Variants in ACYP2 observed in about 807,000 individuals in gnomAD.
ACYP2 encodes acylphosphatase 2, also known as acylphosphatase-2.
A neutral mutation model predicts 11.2 loss-of-function variants in ACYP2; 12 were observed. The observed-to-expected ratio is 1.08, with a 90% CI of 0.69 to 1.74. The LOEUF is 1.74. ACYP2 is among the 40% of genes most tolerant of loss of function. The pLI is 0.00. For synonymous variants in ACYP2, 43 were observed against 32.2 expected (o/e 1.33, Z -1.13); for missense variants, 134 against 101.9 (o/e 1.31, Z -1.35).
At chr2:54,119,051 CTTTTTTTTTTTTTTTT>C (rs10542497) in intron 4 of ACYP2, among the ~76,000 whole-genome samples, 12 of 43,772 alleles carry the variant, frequency 2.7e-4, no homozygotes, top group South Asian at 1.2e-3. Context: ...TCTTAGTAGT[CTTTTTTTTTTTTTTTT>C]TTTTTTTTTT....
At chr2:54,278,679 T>C (rs531083207) in intron 6 of ACYP2, among the ~76,000 whole-genome samples, 1 of 152,370 alleles carries the variant, frequency 6.6e-6, no homozygotes, top group Admixed American at 6.5e-5. Flanking sequence ...AGCATACTTT[T>C]TTTTAAACCA....
chr2:54,196,623 G>A (rs993980515), intron 6 of ACYP2, among the ~76,000 whole-genome samples: 9 of 152,148 alleles, frequency 5.9e-5, no homozygotes, highest in African/African-American at 2.2e-4. Flanking sequence ...TTGGCATTTG[G>A]GGCTGGATAA....
chr2:54,063,028 G>A (rs138950830), intron 4 of ACYP2, among the ~76,000 whole-genome samples: 287 of 152,196 alleles, frequency 1.9e-3, no homozygotes, highest in Admixed American at 5.5e-3. Flanking sequence ...CAGGTACTAC[G>A]CTAGTTCCTG....
intron 6 of ACYP2, among the ~76,000 whole-genome samples, chr2:54,210,192 A>G (rs1685275379): frequency 6.6e-6 from 1 of 151,194 alleles, no homozygotes; most frequent in Non-Finnish European, 1.5e-5. Context: ...ATGGTACTAC[A>G]TTCCTTTTCT....
intron 2 of ACYP2, among the ~76,000 whole-genome samples, chr2:54,042,229 C>T (rs1464689209): frequency 2.0e-5 from 3 of 152,188 alleles, no homozygotes; most frequent in Non-Finnish European, 4.4e-5. Context: ...TGGTCTCGAA[C>T]TCTCAACCTC....
intron 6 of ACYP2, among the ~76,000 whole-genome samples, chr2:54,215,582 T>G (rs1039162504): frequency 1.3e-5 from 2 of 152,194 alleles, no homozygotes; most frequent in Non-Finnish European, 1.5e-5. Context: ...GATACCATCT[T>G]GTAGATAGCT....
At chr2:54,061,960 C>T in intron 4 of ACYP2, among the ~76,000 whole-genome samples, 1 of 152,068 alleles carries the variant, frequency 6.6e-6, no homozygotes, top group Non-Finnish European at 1.5e-5. Context: ...AACAACTGTG[C>T]CAGGCCTGTA....
chr2:54,025,614 C>T (rs941542913), intron 2 of ACYP2, among the ~76,000 whole-genome samples: 1 of 152,126 alleles, frequency 6.6e-6, no homozygotes, highest in Non-Finnish European at 1.5e-5. Context: ...AACCTGAAAC[C>T]ATAAAAATTC....
At chr2:54,042,099 C>T (rs1029739910) in intron 2 of ACYP2, among the ~76,000 whole-genome samples, 2 of 151,786 alleles carry the variant, frequency 1.3e-5, no homozygotes, top group African/African-American at 2.4e-5. Flanking sequence ...CCTCCGCCCC[C>T]GAGTGCAAGC....
At chr2:54,067,291 T>C (rs541847420) in intron 4 of ACYP2, among the ~76,000 whole-genome samples, 1 of 152,306 alleles carries the variant, frequency 6.6e-6, no homozygotes, top group East Asian at 1.9e-4. Flanking sequence ...TTCATATTTT[T>C]TTCTTACCAC....
intron 4 of ACYP2, among the ~76,000 whole-genome samples, chr2:54,081,087 GTTCA>G (rs1396454910): frequency 6.6e-6 from 1 of 152,130 alleles, no homozygotes; most frequent in Non-Finnish European, 1.5e-5. Flanking sequence ...TACTCTTTGA[GTTCA>G]TCGTATTTTT....
chr2:53,973,010 C>G (rs1401311842), intron 1 of ACYP2, among the ~76,000 whole-genome samples: 2 of 152,024 alleles, frequency 1.3e-5, no homozygotes, highest in South Asian at 4.2e-4. Flanking sequence ...CTCTGAGGAG[C>G]CCCACATTTA....
At chr2:54,145,653 C>T (rs183701724) in intron 6 of ACYP2, among the ~76,000 whole-genome samples, 70 of 151,972 alleles carry the variant, frequency 4.6e-4, no homozygotes, top group Admixed American at 2.7e-3. Flanking sequence ...AGCAAATTTC[C>T]GGCATTATAT....
chr2:54,158,716 T>C (rs961724472), intron 6 of ACYP2, among the ~76,000 whole-genome samples: 2 of 152,234 alleles, frequency 1.3e-5, no homozygotes, highest in African/African-American at 4.8e-5. Flanking sequence ...CAAGTGTTTT[T>C]CAAAACATAC....
At chr2:54,146,341 A>G (rs1022873652) in intron 6 of ACYP2, among the ~76,000 whole-genome samples, 1 of 152,132 alleles carries the variant, frequency 6.6e-6, no homozygotes, top group Non-Finnish European at 1.5e-5. Context: ...ATTTTGCTGT[A>G]AATGCACTTG....
chr2:54,081,286 T>C (rs1385647634), intron 4 of ACYP2, among the ~76,000 whole-genome samples: 1 of 152,192 alleles, frequency 6.6e-6, no homozygotes, highest in Non-Finnish European at 1.5e-5. Flanking sequence ...CACGGTGTAT[T>C]TGTAATAATA....
intron 6 of ACYP2, among the ~76,000 whole-genome samples, chr2:54,288,903 C>G (rs772475880): frequency 6.6e-6 from 1 of 151,990 alleles, no homozygotes; most frequent in Non-Finnish European, 1.5e-5. Context: ...AGTCCAGTTT[C>G]TTCCACAGCA....
intron 6 of ACYP2, among the ~76,000 whole-genome samples, chr2:54,238,634 A>C (rs1016237393): frequency 2.6e-5 from 4 of 151,906 alleles, no homozygotes; most frequent in African/African-American, 9.7e-5. Flanking sequence ...GTTTAAATTA[A>C]CTATCTCATT....
intron 4 of ACYP2, among the ~76,000 whole-genome samples, chr2:54,113,527 T>A (rs1679570019): frequency 6.6e-6 from 1 of 152,068 alleles, no homozygotes; most frequent in South Asian, 2.1e-4. Flanking sequence ...ATTACAGGTG[T>A]GAGCCACCGT....
Sources: allele counts gnomAD v4.1 joint callset (sites outside exome capture counted in the v4.1 genomes callset), GRCh38; gene constraint gnomAD v4.1.1; transcripts MANE v1.5; gene names NCBI Gene and HGNC (gene_info 2026-07-23, HGNC 2026-07-21).